The following IRAK1BP1 variants were observed in gnomAD, a reference collection of about 807,000 sequenced individuals.
IRAK1BP1 encodes the protein interleukin 1 receptor associated kinase 1 binding protein 1.
A neutral mutation model predicts 28.0 loss-of-function variants in IRAK1BP1; 24 were observed. The observed-to-expected ratio is 0.86, with a 90% CI of 0.62 to 1.20. The LOEUF (loss-of-function observed/expected upper bound fraction) is 1.20, where lower values mean the gene tolerates loss of function less well. Among genes scored for constraint, IRAK1BP1 ranks in the 50% most tolerant of loss-of-function variants. The pLI, the probability that IRAK1BP1 is intolerant of heterozygous loss-of-function variation, is 0.00. For missense variants in IRAK1BP1, 336 were observed against 316.7 expected, an observed-to-expected ratio of 1.06 and a Z score of -0.46; for synonymous variants, 131 against 116.3, an observed-to-expected ratio of 1.13 and a Z score of -0.81.
In IRAK1BP1 at chr6:78,901,763, A is replaced by G. The variant is rs566793726; in HGVS notation, c.*3429A>G. 6.6e-6 allele frequency: 1 copy of G among 152,292 alleles called. No individual in the cohort carries two copies. The highest frequency in any genetic ancestry group is 2.1e-4 in the South Asian group (1 of 4,828). 9.4% of individuals were successfully genotyped at this position (152,292 alleles called of 1,614,324 possible). On this transcript the variant is annotated 3_prime_UTR_variant, in exon 4 of 4. Coordinates refer to ENST00000369940, the MANE Select transcript of IRAK1BP1 (RefSeq NM_001010844.4). ...ATTACATTTTTTATAGTGGCAATGT[A>G]CTTTTATCAGTATTCTTATTTGACG...
chr6:78,893,147 A>AGATTT (rs1771725546), intron 2 of IRAK1BP1, among the ~76,000 whole-genome samples: 2 of 151,790 alleles, frequency 1.3e-5, no homozygotes, highest in Non-Finnish European at 2.9e-5. Flanking sequence ...ATAAATCTTA[A>AGATTT]AACAGCCAGA....
rs1192880121 is a variant in IRAK1BP1, at chr6:78,901,453, C to T, written c.*3119C>T. On this transcript the variant is annotated 3_prime_UTR_variant, in exon 4 of 4. Coordinates refer to ENST00000369940, the MANE Select transcript of IRAK1BP1 (RefSeq NM_001010844.4). ...ATCTTATGATGAATTATTTAGGGGA[C>T]CTGTGCCACAAAGTCTACTAGAATA... The T allele has an allele frequency of 6.6e-6, 1 of 151,576 alleles. No individual in the cohort carries two copies. The highest frequency in any genetic ancestry group is 2.4e-5 in the African/African-American group (1 of 41,262). The allele number at this position is 151,576 out of a possible 1,614,324, so 9.4% of individuals were successfully genotyped here. A position where few individuals can be genotyped will look rare whatever the true frequency, so the allele number is the denominator to read the frequency against.
chr6:78,948,643 C>T (rs1018258377), downstream of IRAK1BP1, among the ~76,000 whole-genome samples: 4 of 152,014 alleles, frequency 2.6e-5, no homozygotes, highest in Non-Finnish European at 5.9e-5. Flanking sequence ...TACAGGCAGG[C>T]GCTACCACAC....
intron 4 of IRAK1BP1, among the ~76,000 whole-genome samples, chr6:78,908,702 T>C (rs78748542): frequency 6.6e-6 from 1 of 152,114 alleles, no homozygotes; most frequent in South Asian, 2.1e-4. Context: ...TGTGCACATC[T>C]ACCAGAAGAA....
intron 4 of IRAK1BP1, among the ~76,000 whole-genome samples, chr6:78,927,022 C>T (rs1161778561): frequency 2.0e-5 from 3 of 152,108 alleles, no homozygotes; most frequent in Admixed American, 6.5e-5. Flanking sequence ...GTTCAGGTAT[C>T]TCTTGGATAT....
At chr6:78,876,046 T>G (rs1770991447) in intron 1 of IRAK1BP1, among the ~76,000 whole-genome samples, 1 of 152,202 alleles carries the variant, frequency 6.6e-6, no homozygotes, top group Non-Finnish European at 1.5e-5. Context: ...TGATATGGTT[T>G]GGCTCTGTGT....
At chr6:78,925,746 T>A (rs1772870028) in intron 4 of IRAK1BP1, among the ~76,000 whole-genome samples, 1 of 152,196 alleles carries the variant, frequency 6.6e-6, no homozygotes, top group Non-Finnish European at 1.5e-5. Context: ...ACATATATGT[T>A]CATCACAGCA....
At chr6:78,932,176 T>C (rs2127670460) in intron 4 of IRAK1BP1, among the ~76,000 whole-genome samples, 1 of 152,240 alleles carries the variant, frequency 6.6e-6, no homozygotes, top group East Asian at 1.9e-4. Context: ...TCGAGCTATT[T>C]CCATGTCTGC....
downstream of IRAK1BP1, among the ~76,000 whole-genome samples, chr6:78,905,055 G>T (rs1318920514): frequency 1.3e-5 from 2 of 152,012 alleles, no homozygotes; most frequent in Non-Finnish European, 2.9e-5. Context: ...TGACTGTATT[G>T]GTTTCATTTT....
At chr6:78,945,396 T>G (rs1186018920) in intron 4 of IRAK1BP1, 2 of 1,613,292 alleles carry the variant, frequency 1.2e-6, no homozygotes. Context: ...TTTTCCATGT[T>G]TTCTTTTGCA....
intron 1 of IRAK1BP1, among the ~76,000 whole-genome samples, chr6:78,876,203 G>A (rs1369154844): frequency 1.3e-5 from 2 of 152,094 alleles, no homozygotes; most frequent in East Asian, 3.9e-4. Context: ...TTTAAAGTGT[G>A]ACACTTTATC....
downstream of IRAK1BP1, among the ~76,000 whole-genome samples, chr6:78,907,320 C>A (rs1035740954): frequency 2.0e-5 from 3 of 152,086 alleles, no homozygotes; most frequent in African/African-American, 7.2e-5. Flanking sequence ...CCTAGTTATA[C>A]CTATTTTTAT....
the IRAK1BP1 span, chr6:78,955,573 G>A: frequency 4.4e-6 from 3 of 682,276 alleles, no homozygotes; most frequent in East Asian, 8.5e-5. Flanking sequence ...TTTTTATATA[G>A]AGAATATCAA....
At chr6:78,867,992 G>A in intron 1 of IRAK1BP1, 101 bp downstream of exon 1, 1 of 1,292,786 alleles carries the variant, frequency 7.7e-7, no homozygotes, top group East Asian at 2.5e-5. Flanking sequence ...GAGATGTGGA[G>A]GGTCTGGAGC....
chr6:78,887,299 ATTAT>A (rs1486038623), intron 2 of IRAK1BP1, among the ~76,000 whole-genome samples: 1 of 152,196 alleles, frequency 6.6e-6, no homozygotes, highest in Non-Finnish European at 1.5e-5. Flanking sequence ...AGCATCACTA[ATTAT>A]TTGAGACATA....
In IRAK1BP1 at chr6:78,887,912, A is replaced by G. The variant is rs185021714; in HGVS notation, c.381+2469A>G. ...AAAAAATACCTGTATTTGCATGTTC[A>G]TTGCAGCATTATTCACAATAGCCAA... On this transcript the variant is annotated intron_variant, in intron 2 of 3. Coordinates refer to ENST00000369940, the MANE Select transcript of IRAK1BP1 (RefSeq NM_001010844.4). Among the ~76,000 whole-genome samples, 97 of 152,332 alleles carry G rather than the reference A, an allele frequency of 6.4e-4. 1 individual carries two copies. The South Asian group carries it at 8.1e-3, about 13-fold the overall frequency.
chr6:78,959,156 T>C, the IRAK1BP1 span, among the ~76,000 whole-genome samples: 1 of 152,048 alleles, frequency 6.6e-6, no homozygotes, highest in South Asian at 2.1e-4. Flanking sequence ...TAATTGACAA[T>C]GCTAAAATAA....
intron 1 of IRAK1BP1, among the ~76,000 whole-genome samples, chr6:78,876,417 T>C (rs1771005370): frequency 1.3e-5 from 2 of 152,236 alleles, no homozygotes; most frequent in African/African-American, 4.8e-5. Context: ...TAAGTAGTTA[T>C]TCCTGTCTTG....
chr6:78,961,821 T>C, the IRAK1BP1 span: 44 of 1,585,544 alleles, frequency 2.8e-5, no homozygotes, highest in Non-Finnish European at 2.1e-5. Context: ...CTAAAATAAA[T>C]AGATAAGTTT....
Sources: gnomAD v4.1 joint callset for allele counts (sites outside exome capture counted in the v4.1 genomes callset) on GRCh38, gnomAD v4.1.1 for gene constraint, MANE v1.5 for transcripts, NCBI Gene and HGNC (gene_info 2026-07-23, HGNC 2026-07-21) for gene names.